The following SHISAL2B variants were observed in gnomAD, a reference collection of about 807,000 sequenced individuals.
SHISAL2B encodes protein shisa-like-2B.
SHISAL2B carries 12 observed loss-of-function variants against 16.5 expected under a neutral mutation model. The ratio of observed to expected loss-of-function variants is 0.73; its 90% CI spans 0.47 to 1.18. The LOEUF is 1.18. Ranked by LOEUF, SHISAL2B falls within the 50% of genes most tolerant of loss-of-function variation. The pLI is 0.00. For missense variants in SHISAL2B, 183 were observed against 193.6 expected, an observed-to-expected ratio of 0.95 and a Z score of 0.33; for synonymous variants, 72 against 75.0, an observed-to-expected ratio of 0.96 and a Z score of 0.21.
chr5:64,708,914 T>A lies in SHISAL2B; in HGVS notation c.350-8975T>A, dbSNP rs142030727. 6.8e-3 allele frequency among the ~76,000 whole-genome samples: 1,036 copies of A among 152,270 alleles called. 10 individuals carry two copies. The highest frequency in any genetic ancestry group is 0.024 in the African/African-American group (1,011 of 41,572). On this transcript the variant is annotated intron_variant, in intron 2 of 2. Transcript: ENST00000389074. Reference sequence around the variant, plus strand: ...GAAGTAATTGAAATAAAGTCATTATTGTGCCACTCTAGGCCCTGGATTTTA... The same window carrying A: ...GAAGTAATTGAAATAAAGTCATTATAGTGCCACTCTAGGCCCTGGATTTTA...
In SHISAL2B at chr5:64,690,569, T is replaced by C; in HGVS notation, c.-55T>C. The C allele has an allele frequency of 7.2e-7, 1 of 1,382,884 alleles. No homozygotes were observed. The highest frequency in any genetic ancestry group is 9.5e-7 in the Non-Finnish European group (1 of 1,056,884). The allele number at this position is 1,382,884 out of a possible 1,614,324, so 85.7% of individuals were successfully genotyped here. Reference sequence around the variant, plus strand: ...GCGGGCTCTGGAGGTGCTGGACGGGTGCGATCCGAGAGCAGACCGGGGCCC... The same window carrying C: ...GCGGGCTCTGGAGGTGCTGGACGGGCGCGATCCGAGAGCAGACCGGGGCCC... On this transcript the variant is annotated 5_prime_UTR_variant, in exon 1 of 3. Coordinates refer to ENST00000389074, the MANE Select transcript of SHISAL2B (RefSeq NM_001164442.2).
chr5:64,700,082 G>A (rs968689329), intron 2 of SHISAL2B, among the ~76,000 whole-genome samples: 2 of 152,156 alleles, frequency 1.3e-5, no homozygotes, highest in Admixed American at 6.5e-5. Flanking sequence ...GAATACCATT[G>A]CTTGTAAATT....
chr5:64,706,962 A>T (rs1741883619), intron 2 of SHISAL2B, among the ~76,000 whole-genome samples: 1 of 152,172 alleles, frequency 6.6e-6, no homozygotes, highest in Non-Finnish European at 1.5e-5. Flanking sequence ...AAACTTTATA[A>T]TTCAGTCCAA....
At chr5:64,716,488 T>C (rs1742053571) in intron 2 of SHISAL2B, among the ~76,000 whole-genome samples, 1 of 152,086 alleles carries the variant, frequency 6.6e-6, no homozygotes, top group Non-Finnish European at 1.5e-5. Context: ...GCATGATAAA[T>C]AGGTAAATTA....
chr5:64,704,631 A>G (rs1166283689), intron 2 of SHISAL2B, among the ~76,000 whole-genome samples: 1 of 152,276 alleles, frequency 6.6e-6, no homozygotes, highest in African/African-American at 2.4e-5. Flanking sequence ...ATAAGAAAAA[A>G]TTTTTATGTG....
chr5:64,695,093 C>T (rs1034395196), intron 1 of SHISAL2B, among the ~76,000 whole-genome samples: 1 of 151,960 alleles, frequency 6.6e-6, no homozygotes. Flanking sequence ...GGTGAAACCC[C>T]GTTTCTACTA....
chr5:64,709,857 A>C (rs1455519342), intron 2 of SHISAL2B, among the ~76,000 whole-genome samples: 1 of 150,984 alleles, frequency 6.6e-6, no homozygotes, highest in Non-Finnish European at 1.5e-5. Context: ...GTGTCTGTTC[A>C]TGTCCTTCGC....
chr5:64,702,136 T>C (rs1033098486), intron 2 of SHISAL2B, among the ~76,000 whole-genome samples: 5 of 152,150 alleles, frequency 3.3e-5, no homozygotes, highest in Non-Finnish European at 7.4e-5. Context: ...GAAGAAAATA[T>C]AGGTAACTGT....
At chr5:64,709,106 A>G (rs1741914699) in intron 2 of SHISAL2B, among the ~76,000 whole-genome samples, 1 of 148,902 alleles carries the variant, frequency 6.7e-6, no homozygotes, top group Non-Finnish European at 1.5e-5. Context: ...TTACATATGT[A>G]TACATGTGCC....
chr5:64,717,422 G>GACTC (rs1742072220), intron 2 of SHISAL2B, among the ~76,000 whole-genome samples: 1 of 151,990 alleles, frequency 6.6e-6, no homozygotes, highest in South Asian at 2.1e-4. Context: ...GCTCATTTTG[G>GACTC]ACTCATATTT....
chr5:64,716,978 A>G (rs1234825801), intron 2 of SHISAL2B, among the ~76,000 whole-genome samples: 3 of 152,208 alleles, frequency 2.0e-5, no homozygotes, highest in African/African-American at 4.8e-5. Context: ...TTTTAAAAGT[A>G]TAGTCAACAA....
intron 2 of SHISAL2B, among the ~76,000 whole-genome samples, chr5:64,696,065 T>A (rs950350942): frequency 6.6e-6 from 1 of 152,224 alleles, no homozygotes; most frequent in Non-Finnish European, 1.5e-5. Context: ...CAGAGGAACA[T>A]AAATTGTGAA....
intron 2 of SHISAL2B, among the ~76,000 whole-genome samples, chr5:64,711,547 C>T (rs1741958046): frequency 1.4e-5 from 1 of 71,966 alleles, no homozygotes; most frequent in Non-Finnish European, 2.6e-5. Flanking sequence ...ATGATGCTGG[C>T]CTCATAAAAT....
intron 1 of SHISAL2B, chr5:64,691,515 C>T (rs1741650985): frequency 6.6e-6 from 1 of 151,760 alleles, no homozygotes; most frequent in Non-Finnish European, 1.5e-5. Context: ...CTTTTGGTTG[C>T]TATGATTATA....
chr5:64,703,371 C>T (rs275833), intron 2 of SHISAL2B, among the ~76,000 whole-genome samples: 25,436 of 152,088 alleles, frequency 0.17, 2,591 homozygotes, highest in Non-Finnish European at 0.23. Context: ...AATAGAAAGA[C>T]GTTTTTATTT....
intron 1 of SHISAL2B, 137 bp from the exon 2 acceptor site, chr5:64,695,370 A>G: frequency 1.9e-6 from 1 of 536,964 alleles, no homozygotes; most frequent in African/African-American, 1.9e-5. Context: ...GATTTCAATC[A>G]GTTCCTTTTT....
rs569299344 is a variant in SHISAL2B at position 64,708,135 on chromosome 5, A to G, written c.350-9754A>G. Reference sequence around the variant, plus strand: ...ACATACACTAAGTCATATTAAAATTATAGGAGTTTCCCATAATTTGGGAAC... The same window carrying G: ...ACATACACTAAGTCATATTAAAATTGTAGGAGTTTCCCATAATTTGGGAAC... On this transcript the variant is annotated intron_variant, in intron 2 of 2. Transcript: ENST00000389074. Among the ~76,000 whole-genome samples, 4 of 152,318 alleles carry G rather than the reference A, an allele frequency of 2.6e-5. No homozygotes were observed. The East Asian group carries it at 5.8e-4, about 22-fold the overall frequency.
intron 2 of SHISAL2B, among the ~76,000 whole-genome samples, chr5:64,698,173 T>C (rs1402337483): frequency 6.6e-6 from 1 of 152,236 alleles, no homozygotes; most frequent in Non-Finnish European, 1.5e-5. Context: ...AAGAATCATG[T>C]AGAGAGCTTG....
chr5:64,708,344 AAT>A (rs1347496627), intron 2 of SHISAL2B, among the ~76,000 whole-genome samples: 1 of 152,190 alleles, frequency 6.6e-6, no homozygotes, highest in East Asian at 1.9e-4. Context: ...AAGTGTGTCA[AAT>A]ATAAAAAGTT....
Sources: allele counts gnomAD v4.1 joint callset (sites outside exome capture counted in the v4.1 genomes callset), GRCh38; gene constraint gnomAD v4.1.1; transcripts MANE v1.5; gene names NCBI Gene and HGNC (gene_info 2026-07-23, HGNC 2026-07-21).